ADGRG6: variants seen among roughly 807,000 people sequenced by gnomAD.
ADGRG6 encodes the protein adhesion G protein-coupled receptor G6.
Under a neutral mutation model 142.4 loss-of-function variants are expected in ADGRG6, and 84 were observed. The observed-to-expected ratio is 0.59, with a 90% CI of 0.49 to 0.71. The LOEUF (loss-of-function observed/expected upper bound fraction) is 0.71, where lower values mean the gene tolerates loss of function less well. Ranked by LOEUF, ADGRG6 falls within the 30% of genes least tolerant of loss-of-function variation. ADGRG6 has a pLI of 0.00. For synonymous variants in ADGRG6, 521 were observed against 520.5 expected (o/e 1.00, Z -0.01); for missense variants, 1,367 against 1,466.6 (o/e 0.93, Z 1.11).
In ADGRG6 at chr6:142,438,264, A is replaced by G. The variant is rs1445731933; in HGVS notation, c.3474A>G (p.Gly1158=). 2 of 1,605,536 alleles carry G rather than the reference A, an allele frequency of 1.2e-6. No individual in the cohort carries two copies. The highest frequency in any genetic ancestry group is 3.4e-5 in the Admixed American group (2 of 59,422). Residue 1158 remains glycine (G), a synonymous_variant, in exon 24 of 25, where the codon GGA becomes GGG. Coordinates refer to ENST00000367609, the MANE Select transcript of ADGRG6 (RefSeq NM_198569.3). The part of the protein sequence containing the change: ...NIIKKSSDNL[G]KSLSSSSIGS... ...TCAAGAAAAGTTCTGATAATCTAGGAAAATCTTTGTCTTCAAGCTCCATTG... is the reference window on the plus strand; with the variant it reads ...TCAAGAAAAGTTCTGATAATCTAGGGAAATCTTTGTCTTCAAGCTCCATTG...
intron 2 of ADGRG6, among the ~76,000 whole-genome samples, chr6:142,365,351 C>T (rs1475753612): frequency 1.3e-5 from 2 of 152,148 alleles, no homozygotes; most frequent in African/African-American, 2.4e-5. Flanking sequence ...AGGCATGGTT[C>T]CCTTCATTTA....
intron 2 of ADGRG6, among the ~76,000 whole-genome samples, chr6:142,341,506 TATATACTACATAATATTA>T (rs1274915691): frequency 8.4e-6 from 1 of 118,644 alleles, no homozygotes; most frequent in Non-Finnish European, 1.7e-5. Context: ...TTATATAGTA[TATATACTACATAATATTA>T]TATAGTATAT....
intron 14 of ADGRG6, among the ~76,000 whole-genome samples, chr6:142,404,808 T>A (rs1258375145): frequency 1.3e-5 from 2 of 152,126 alleles, no homozygotes; most frequent in East Asian, 3.9e-4. Flanking sequence ...GGATCATACT[T>A]TGAGAACCCG....
At chr6:142,366,752 CAA>C (rs35575976) in intron 2 of ADGRG6, among the ~76,000 whole-genome samples, 21 of 121,370 alleles carry the variant, frequency 1.7e-4, no homozygotes, top group Admixed American at 1.7e-4. Context: ...GAGACTGTCT[CAA>C]AAAAAAAAAA....
rs117178031 is a variant in ADGRG6, at chr6:142,364,887, A to G, written c.104-2682A>G. Among the ~76,000 whole-genome samples the G allele has an allele frequency of 6.0e-4, 92 of 152,182 alleles. 3 individuals are homozygous for G. In the East Asian group the frequency reaches 0.013, roughly 22 times the overall value. The stretch of plus-strand genomic sequence containing the variant: ...CTCTAAAAAATAATAATGATAATAA[A>G]TTTTCTTAAACCCTTTCTTCAGGTC... On this transcript the variant is annotated intron_variant, in intron 2 of 24. Transcript: ENST00000367609.
rs1776336495 is a variant in ADGRG6 at position 142,415,983 on chromosome 6, A to G, written c.2857A>G (p.Ile953Val). The G allele has an allele frequency of 6.2e-7, 1 of 1,612,562 alleles. No homozygotes were observed. The highest frequency in any genetic ancestry group is 8.5e-7 in the Non-Finnish European group (1 of 1,178,744). ...ATFTWMGLEA[I>V]HMYIALVKVF... ...CTTTACCTGGATGGGGCTAGAAGCA[A>G]TTCACATGTACATTGCTCTAGTTAA... Residue 953 changes from isoleucine (I) to valine (V), a missense_variant, in exon 20 of 25, where the codon ATT becomes GTT. Ile to Val is a conservative substitution (Grantham distance 29). Coordinates refer to ENST00000367609, the MANE Select transcript of ADGRG6 (RefSeq NM_198569.3).
intron 16 of ADGRG6, among the ~76,000 whole-genome samples, chr6:142,409,285 T>G (rs553926137): frequency 6.6e-6 from 1 of 152,302 alleles, no homozygotes; most frequent in East Asian, 1.9e-4. Context: ...TGTGACTGGC[T>G]TATTTCATAG....
At chr6:142,419,755 A>G in intron 21 of ADGRG6, 66 bp from the exon 22 acceptor site, 1 of 1,288,546 alleles carries the variant, frequency 7.8e-7, no homozygotes, top group African/African-American at 1.5e-5. Flanking sequence ...CTAAGCTGAG[A>G]AAAGTCTTAG....
At chr6:142,326,743 A>T (rs911619987) in intron 2 of ADGRG6, among the ~76,000 whole-genome samples, 1 of 152,106 alleles carries the variant, frequency 6.6e-6, no homozygotes, top group Non-Finnish European at 1.5e-5. Context: ...GTGATCACAG[A>T]AGCATCTGTG....
rs760482422 is a variant in ADGRG6 at position 142,402,809 on chromosome 6, A to G, written c.1934A>G (p.Asp645Gly). 3.8e-6 allele frequency: 6 copies of G among 1,583,694 alleles called. No individual in the cohort carries two copies. Among genetic ancestry groups the G allele is most frequent in the African/African-American group, 1.4e-5 (1 of 73,974 alleles). The change falls in exon 13 of 25, where the codon GAC (aspartate) becomes GGC (glycine). Residue 645 changes from aspartate (D) to glycine (G), a missense_variant. Transcript: ENST00000367609. ...AATATCTTAAGCAGTTCAGACAGTG[A>G]CTTGCTTGAGTCATCTTCTGAGTAA... ...FSNILSSSDSDLLESSSEALK... is the reference protein window; with the variant it reads ...FSNILSSSDSGLLESSSEALK...
intron 2 of ADGRG6, among the ~76,000 whole-genome samples, chr6:142,341,635 AAT>A (rs1332715648): frequency 3.9e-5 from 5 of 127,800 alleles, no homozygotes; most frequent in South Asian, 2.2e-4. Context: ...TATAATATAT[AAT>A]ATATATAATA....
chr6:142,442,700 T>C (rs1386034887), intron 24 of ADGRG6, among the ~76,000 whole-genome samples: 6 of 152,106 alleles, frequency 3.9e-5, no homozygotes, highest in Admixed American at 2.6e-4. Context: ...CCCTTTTTGC[T>C]ATTTTCCAGT....
chr6:142,334,502 T>C (rs1411996115), intron 2 of ADGRG6, among the ~76,000 whole-genome samples: 1 of 152,208 alleles, frequency 6.6e-6, no homozygotes, highest in African/African-American at 2.4e-5. Flanking sequence ...CTGGGAGTTA[T>C]GAGGAAAAGC....
chr6:142,359,807 G>C (rs1389974130), intron 2 of ADGRG6, among the ~76,000 whole-genome samples: 1 of 152,190 alleles, frequency 6.6e-6, no homozygotes, highest in Non-Finnish European at 1.5e-5. Context: ...GACAGGAAGT[G>C]TGAACAGAGC....
chr6:142,441,739 T>C (rs1379789956), intron 24 of ADGRG6, among the ~76,000 whole-genome samples: 1 of 152,130 alleles, frequency 6.6e-6, no homozygotes, highest in Non-Finnish European at 1.5e-5. Flanking sequence ...TATAAGTCAA[T>C]AGAAAAATCC....
intron 22 of ADGRG6, among the ~76,000 whole-genome samples, chr6:142,425,247 G>T (rs77469158): frequency 0.082 from 12,407 of 152,152 alleles, 609 homozygotes; most frequent in East Asian, 0.25. Flanking sequence ...GATTAGAGCT[G>T]CCCAGTAGGG....
intron 2 of ADGRG6, among the ~76,000 whole-genome samples, chr6:142,317,899 TTA>T (rs1281620444): frequency 0.02 from 802 of 39,672 alleles, 14 homozygotes; most frequent in African/African-American, 0.07. Context: ...TATTATATAT[TTA>T]TATATATTAT....
chr6:142,305,355 A>G lies in ADGRG6; in HGVS notation c.2+3024A>G, dbSNP rs144059894. ...CTATACCTTTTACCCAGAATCACCT[A>G]TTCTAATTATTGGCCCCATTTGTTT... On this transcript the variant is annotated intron_variant, in intron 1 of 24. Coordinates refer to ENST00000367609, the MANE Select transcript of ADGRG6 (RefSeq NM_198569.3). Among the ~76,000 whole-genome samples the G allele has an allele frequency of 3.4e-3, 510 of 151,066 alleles. 6 individuals are homozygous for G. Among genetic ancestry groups the G allele is most frequent in the African/African-American group, 0.012 (492 of 40,998 alleles).
chr6:142,381,868 C>T lies in ADGRG6; in HGVS notation c.1070-83C>T, dbSNP rs572816073. 432 of 836,108 alleles carry T rather than the reference C, an allele frequency of 5.2e-4. 1 individual carries two copies. Among genetic ancestry groups the T allele is most frequent in the Middle Eastern group, 2.7e-3 (12 of 4,398 alleles). 51.8% of individuals were successfully genotyped at this position (836,108 alleles called of 1,614,324 possible). ...CTGGTGGACTCTTCTAGGGCTGCTT[C>T]TATTACATCAACCGTATGATTTTTC... On this transcript the variant is annotated intron_variant, in intron 4 of 24. Transcript: ENST00000367609.
Sources: allele counts gnomAD v4.1 joint callset (sites outside exome capture counted in the v4.1 genomes callset), GRCh38; gene constraint gnomAD v4.1.1; transcripts MANE v1.5; gene names NCBI Gene and HGNC (gene_info 2026-07-23, HGNC 2026-07-21).